Variants in BRINP3 observed in about 807,000 individuals in gnomAD.
The protein encoded by BRINP3 is BMP/retinoic acid-inducible neural-specific protein 3.
A neutral mutation model predicts 71.0 loss-of-function variants in BRINP3; 19 were observed. That is an observed-to-expected ratio of 0.27 (90% CI 0.19 to 0.39). The LOEUF (loss-of-function observed/expected upper bound fraction) is 0.39. Ranked by LOEUF, BRINP3 falls within the 10% of genes least tolerant of loss-of-function variation. The pLI is 1.00. For synonymous variants in BRINP3, 380 were observed against 337.7 expected (o/e 1.13, Z -1.37); for missense variants, 959 against 940.8 (o/e 1.02, Z -0.25).
rs187315420 is a variant in BRINP3 at position 190,187,605 on chromosome 1, A to T, written c.962-26715T>A. 3.4e-3 allele frequency among the ~76,000 whole-genome samples: 512 copies of T among 152,230 alleles called. 5 individuals are homozygous for T. The highest frequency in any genetic ancestry group is 0.012 in the African/African-American group (480 of 41,580). Reference sequence around the variant, plus strand: ...TTTATTCTTTTCTGTACAGATGTTCAGTTTTCCCAACACTATTTATTGAAG... The same window carrying T: ...TTTATTCTTTTCTGTACAGATGTTCTGTTTTCCCAACACTATTTATTGAAG... On this transcript the variant is annotated intron_variant, in intron 6 of 7. Coordinates refer to ENST00000367462, the MANE Select transcript of BRINP3 (RefSeq NM_199051.3).
chr1:190,142,320 G>A (rs978490935), intron 7 of BRINP3, among the ~76,000 whole-genome samples: 1 of 152,268 alleles, frequency 6.6e-6, no homozygotes, highest in Non-Finnish European at 1.5e-5. Flanking sequence ...AGGTCAAGAA[G>A]CACCTGAAAT....
chr1:190,207,631 G>A (rs750553664), intron 6 of BRINP3, among the ~76,000 whole-genome samples: 5 of 152,074 alleles, frequency 3.3e-5, no homozygotes, highest in Non-Finnish European at 5.9e-5. Flanking sequence ...GGAGAAGGTC[G>A]AAAGGACATT....
At chr1:190,474,297 T>C (rs1677353614) in intron 1 of BRINP3, 1 of 152,594 alleles carries the variant, frequency 6.6e-6, no homozygotes, top group African/African-American at 2.4e-5. Flanking sequence ...TTATGCATCA[T>C]AGCAGGACCA....
At chr1:190,327,477 C>T (rs547245609) in intron 2 of BRINP3, among the ~76,000 whole-genome samples, 3 of 93,098 alleles carry the variant, frequency 3.2e-5, no homozygotes, top group Non-Finnish European at 6.4e-5. Flanking sequence ...ATCAAGGACA[C>T]AAACAAAAAG....
intron 6 of BRINP3, among the ~76,000 whole-genome samples, chr1:190,172,040 A>G (rs563985141): frequency 6.6e-6 from 1 of 151,164 alleles, no homozygotes; most frequent in South Asian, 2.1e-4. Flanking sequence ...GTTCGAGTTT[A>G]CAGTGAGCTA....
intron 2 of BRINP3, among the ~76,000 whole-genome samples, chr1:190,340,292 T>C (rs1460738441): frequency 6.6e-6 from 1 of 151,866 alleles, no homozygotes; most frequent in Admixed American, 6.6e-5. Context: ...CCAAAAGACA[T>C]TTGCCAAACT....
chr1:190,193,556 C>T (rs1422663989), intron 6 of BRINP3, among the ~76,000 whole-genome samples: 1 of 152,016 alleles, frequency 6.6e-6, no homozygotes, highest in Non-Finnish European at 1.5e-5. Context: ...CAAATGTTAA[C>T]TTAATTAGCA....
At chr1:190,328,967 C>G (rs1666788632) in intron 2 of BRINP3, among the ~76,000 whole-genome samples, 1 of 151,906 alleles carries the variant, frequency 6.6e-6, no homozygotes, top group South Asian at 2.1e-4. Context: ...TAAAATAATC[C>G]AACGTTGCTT....
At position 190,230,172 on chromosome 1, in the gene BRINP3, G is replaced by T. The variant is rs1379877038; in HGVS notation, c.725-3854C>A. On this transcript the variant is annotated intron_variant, in intron 5 of 7. Transcript: ENST00000367462. ...ACAGAAAATAGCATAAAAGATTTGT[G>T]TTATGATGGAAAGGCCTAAACCACA... Among the ~76,000 whole-genome samples, 3 of 151,784 alleles carry T rather than the reference G, an allele frequency of 2.0e-5. No individual in the cohort carries two copies. The East Asian group carries it at 5.8e-4, about 29-fold the overall frequency.
At chr1:190,346,625 AT>A (rs999393737) in intron 2 of BRINP3, among the ~76,000 whole-genome samples, 7 of 152,188 alleles carry the variant, frequency 4.6e-5, no homozygotes, top group African/African-American at 1.7e-4. Flanking sequence ...AATCTAGATC[AT>A]TTTTTAATAC....
In BRINP3 at chr1:190,346,532, C is replaced by T. The variant is rs148691489; in HGVS notation, c.237-64782G>A. Reference sequence around the variant, plus strand: ...GGTCTTGAGTGTTCCTGTGCTTATTCCTTGCCAAAGGATGTGCATTTCTTG... The same window carrying T: ...GGTCTTGAGTGTTCCTGTGCTTATTTCTTGCCAAAGGATGTGCATTTCTTG... On this transcript the variant is annotated intron_variant, in intron 2 of 7. Transcript: ENST00000367462. Among the ~76,000 whole-genome samples the T allele has an allele frequency of 2.0e-5, 3 of 152,140 alleles. No individual in the cohort carries two copies. In the East Asian group the frequency reaches 5.8e-4, roughly 29 times the overall value.
chr1:190,312,205 TTTATG>T (rs1256391026), intron 2 of BRINP3, among the ~76,000 whole-genome samples: 2 of 150,672 alleles, frequency 1.3e-5, no homozygotes, highest in Non-Finnish European at 3.0e-5. Context: ...AAATTGCGAA[TTTATG>T]TTATTGCAAA....
At chr1:190,382,947 CTCAAGTGCTTTCACCACT>C (rs1670645133) in intron 2 of BRINP3, among the ~76,000 whole-genome samples, 1 of 152,130 alleles carries the variant, frequency 6.6e-6, no homozygotes, top group South Asian at 2.1e-4. Context: ...TCAAAATTTC[CTCAAGTGCTTTCACCACT>C]TTGGTTTGGC....
intron 1 of BRINP3, among the ~76,000 whole-genome samples, chr1:190,466,819 A>C (rs983598641): frequency 1.3e-5 from 2 of 151,632 alleles, no homozygotes; most frequent in African/African-American, 4.8e-5. Flanking sequence ...GGAGTTTATT[A>C]ATAATAAATT....
In BRINP3 at chr1:190,454,813, A is replaced by G. The variant is rs1001570480; in HGVS notation, c.78T>C (p.His26=). ...ALWEWIALSL[H]CWVLAVAAVS... ...CAGCAGCAACCGCTAAAACCCAGCA[A>G]TGAAGACTCAGTGCTATCCACTCCC... The change falls in exon 2 of 8, where the codon CAT becomes CAC. Residue 26 remains histidine (H), a synonymous_variant. Transcript: ENST00000367462. 1.2e-6 allele frequency: 2 copies of G among 1,614,172 alleles called. No homozygotes were observed. The highest frequency in any genetic ancestry group is 1.7e-6 in the Non-Finnish European group (2 of 1,180,018).
At chr1:190,264,171 T>C (rs1394922387) in intron 4 of BRINP3, among the ~76,000 whole-genome samples, 2 of 152,104 alleles carry the variant, frequency 1.3e-5, no homozygotes. Context: ...CAACAATTTC[T>C]CCTCTCTGTC....
intron 2 of BRINP3, among the ~76,000 whole-genome samples, chr1:190,363,271 C>T (rs887855671): frequency 6.6e-6 from 1 of 152,176 alleles, no homozygotes; most frequent in African/African-American, 2.4e-5. Flanking sequence ...GAAAGAGGAC[C>T]CTGAGATTCA....
intron 6 of BRINP3, among the ~76,000 whole-genome samples, chr1:190,177,794 C>T (rs1175362811): frequency 6.6e-6 from 1 of 152,150 alleles, no homozygotes; most frequent in Admixed American, 6.5e-5. Context: ...AATGTTATTT[C>T]ACACGCACTG....
chr1:190,163,367 T>G (rs752006740), intron 6 of BRINP3, among the ~76,000 whole-genome samples: 2 of 152,056 alleles, frequency 1.3e-5, no homozygotes, highest in Non-Finnish European at 2.9e-5. Flanking sequence ...ATCAATACCA[T>G]GTAAAAATTA....
Sources: gnomAD v4.1 joint callset for allele counts (sites outside exome capture counted in the v4.1 genomes callset) on GRCh38, gnomAD v4.1.1 for gene constraint, MANE v1.5 for transcripts, NCBI Gene and HGNC (gene_info 2026-07-23, HGNC 2026-07-21) for gene names.